The following CLPSL1 variants were observed in gnomAD, a reference collection of about 807,000 sequenced individuals.
CLPSL1 encodes colipase like 1, also known as colipase-like protein 1.
A neutral mutation model predicts 9.3 loss-of-function variants in CLPSL1; 13 were observed. The observed-to-expected ratio is 1.40, with a 90% CI of 0.91 to 2.22. CLPSL1 has a LOEUF of 2.22. CLPSL1 is among the 30% of genes most tolerant of loss of function. CLPSL1 has a pLI of 0.00. For missense variants in CLPSL1, 164 were observed against 146.6 expected (o/e 1.12, Z -0.61); for synonymous variants, 58 against 56.9 (o/e 1.02, Z -0.08).
intron 2 of CLPSL1, 112 bp from the exon 3 acceptor site, chr6:35,787,755 C>T: frequency 9.6e-7 from 1 of 1,037,616 alleles, no homozygotes; most frequent in Non-Finnish European, 1.4e-6. Context: ...TCATTTATCC[C>T]TGGATCCTGG....
At chr6:35,782,822 A>AG (rs1767991262) in intron 1 of CLPSL1, among the ~76,000 whole-genome samples, 1 of 151,986 alleles carries the variant, frequency 6.6e-6, no homozygotes. Flanking sequence ...TACCTGGGGG[A>AG]GGTCACTGGC....
intron 2 of CLPSL1, 55 bp from the exon 3 acceptor site, chr6:35,787,812 G>A: frequency 6.4e-7 from 1 of 1,566,604 alleles, no homozygotes; most frequent in South Asian, 1.1e-5. Context: ...GCTGGGCTTA[G>A]GGGCTCAGGG....
At chr6:35,792,034 C>T (rs912049311), downstream of CLPSL1, among the ~76,000 whole-genome samples, 55 of 151,084 alleles carry the variant, frequency 3.6e-4, no homozygotes, top group African/African-American at 1.2e-3. Context: ...TGCAGTGAGC[C>T]GAGATCGCAC....
At chr6:35,793,450 C>T (rs112327387) in intron 1 of CLPSL1, 4 of 457,612 alleles carry the variant, frequency 8.7e-6, no homozygotes, top group African/African-American at 4.2e-5. Flanking sequence ...AAAGGGTATG[C>T]AAGAAGAAAC....
At chr6:35,782,380 G>A (rs1767983044) in intron 1 of CLPSL1, among the ~76,000 whole-genome samples, 1 of 152,208 alleles carries the variant, frequency 6.6e-6, no homozygotes, top group African/African-American at 2.4e-5. Context: ...TTTAGTCCAA[G>A]GGGGCTAAGA....
intron 1 of CLPSL1, 24 bp downstream of exon 1, chr6:35,781,233 C>T: frequency 2.5e-6 from 4 of 1,611,044 alleles, no homozygotes; most frequent in East Asian, 4.5e-5. Context: ...AGAGTGCAGT[C>T]ACCTCCCCCT....
chr6:35,785,081 C>T (rs1768042093), intron 1 of CLPSL1, among the ~76,000 whole-genome samples: 1 of 152,094 alleles, frequency 6.6e-6, no homozygotes, highest in Admixed American at 6.6e-5. Context: ...CCTCCTTACC[C>T]TTGGGAAGTG....
chr6:35,787,058 C>T lies in CLPSL1; in HGVS notation c.160C>T (p.Pro54Ser). The change falls in exon 2 of 3, where the codon CCA becomes TCA. Residue 54 changes from proline (P) to serine (S), a missense_variant. Physicochemically the swap from Pro to Ser is moderately conservative, Grantham distance 74 (BLOSUM62 -1). Transcript: ENST00000373861. ...DCETGCCQRAPDNCESHCAEK... is the reference protein window; with the variant it reads ...DCETGCCQRASDNCESHCAEK... ...CGAGACTGGCTGCTGCCAACGTGCT[C>T]CAGACAATTGCGAGTCGCACTGCGC... The T allele has an allele frequency of 6.2e-7, 1 of 1,605,106 alleles. No homozygotes were observed. The highest frequency in any genetic ancestry group is 8.5e-7 in the Non-Finnish European group (1 of 1,177,312).
chr6:35,786,939 G>T lies in CLPSL1; in HGVS notation c.100-59G>T, dbSNP rs1426760037. 1.6e-5 allele frequency: 25 copies of T among 1,538,234 alleles called. No homozygotes were observed. In the South Asian group the frequency reaches 2.4e-4, roughly 15 times the overall value. ...CCCCGTAGGGAGAAAGCCCCAGGCG[G>T]GGCGGCGAGGGCGGAAGGCGGGCGG... On this transcript the variant is annotated intron_variant, in intron 1 of 2. Transcript: ENST00000373861.
At chr6:35,786,947 A>T in intron 1 of CLPSL1, 51 bp from the exon 2 acceptor site, 1 of 1,544,846 alleles carries the variant, frequency 6.5e-7, no homozygotes, top group Non-Finnish European at 8.7e-7. Flanking sequence ...CGGGGCGGCG[A>T]GGGCGGAAGG....
intron 1 of CLPSL1, among the ~76,000 whole-genome samples, chr6:35,786,189 T>A (rs932901046): frequency 2.6e-5 from 4 of 152,108 alleles, no homozygotes; most frequent in Non-Finnish European, 5.9e-5. Context: ...GAGGTGGATG[T>A]TGCAGTGAGC....
intron 1 of CLPSL1, among the ~76,000 whole-genome samples, 169 bp from the exon 2 acceptor site, chr6:35,786,829 C>A (rs1768082154): frequency 6.6e-6 from 1 of 152,288 alleles, no homozygotes; most frequent in Admixed American, 6.5e-5. Context: ...CCACCGTCTG[C>A]ACAGACTTAC....
chr6:35,782,080 A>G (rs1767977797), intron 1 of CLPSL1, among the ~76,000 whole-genome samples: 1 of 152,140 alleles, frequency 6.6e-6, no homozygotes, highest in African/African-American at 2.4e-5. Flanking sequence ...TGGGGTGCTC[A>G]GGGAAGAGTT....
intron 1 of CLPSL1, 21 bp downstream of exon 1, chr6:35,781,230 A>G: frequency 6.2e-7 from 1 of 1,611,608 alleles, no homozygotes; most frequent in Non-Finnish European, 8.5e-7. Context: ...TGGAGAGTGC[A>G]GTCACCTCCC....
chr6:35,789,165 C>T (rs1003007531), downstream of CLPSL1, among the ~76,000 whole-genome samples: 5 of 152,214 alleles, frequency 3.3e-5, no homozygotes, highest in African/African-American at 7.2e-5. Flanking sequence ...ATGAAATGAC[C>T]GTGGAAGGAG....
At chr6:35,793,502 A>ATGC in exon 2 of CLPSL1, 1 of 471,676 alleles carries the variant, frequency 2.1e-6, no homozygotes, top group Non-Finnish European at 4.4e-6. Context: ...CAGCTACTCC[A>ATGC]TGCTTCCTGC....
downstream of CLPSL1, among the ~76,000 whole-genome samples, chr6:35,791,058 AG>A (rs369418142): frequency 0.14 from 19,809 of 140,118 alleles, 47 homozygotes; most frequent in Non-Finnish European, 0.18. Flanking sequence ...AAAAAAAAAA[AG>A]AAAGAAAGAA....
At chr6:35,793,765 A>G (rs1735409849), downstream of CLPSL1, 1 of 359,706 alleles carries the variant, frequency 2.8e-6, no homozygotes, top group African/African-American at 2.1e-5. Context: ...ACAGAACTGC[A>G]AGATCCTGGG....
rs1258081813 is a variant in CLPSL1, at chr6:35,786,750, T to C, written c.100-248T>C. Reference sequence around the variant, plus strand: ...AAAGTCTAGACCACTCTGGTGTGTATGAGAAGCAGCCTATGTTGAGGACAC... The same window carrying C: ...AAAGTCTAGACCACTCTGGTGTGTACGAGAAGCAGCCTATGTTGAGGACAC... On this transcript the variant is annotated intron_variant, in intron 1 of 2. Transcript: ENST00000373861. 6.3e-5 allele frequency among the ~76,000 whole-genome samples: 5 copies of C among 79,614 alleles called. No individual in the cohort carries two copies. In the Admixed American group the frequency reaches 6.7e-4, roughly 11 times the overall value. 52.2% of individuals were successfully genotyped at this position (79,614 alleles called of 152,430 possible).
Sources: gnomAD v4.1 joint callset for allele counts (sites outside exome capture counted in the v4.1 genomes callset) on GRCh38, gnomAD v4.1.1 for gene constraint, MANE v1.5 for transcripts, NCBI Gene and HGNC (gene_info 2026-07-23, HGNC 2026-07-21) for gene names.